MMP16: variants seen among roughly 807,000 people sequenced by gnomAD.
MMP16 encodes the protein matrix metallopeptidase 16, also known as matrix metalloproteinase-16.
A neutral mutation model predicts 67.8 loss-of-function variants in MMP16; 12 were observed. That is an observed-to-expected ratio of 0.18 (90% CI 0.11 to 0.29). The LOEUF (loss-of-function observed/expected upper bound fraction) is 0.29. Ranked by LOEUF, MMP16 falls within the 10% of genes least tolerant of loss-of-function variation. MMP16 has a pLI of 1.00. For synonymous variants in MMP16, 249 were observed against 255.9 expected, an observed-to-expected ratio of 0.97 and a Z score of 0.26; for missense variants, 475 against 765.7, an observed-to-expected ratio of 0.62 and a Z score of 4.48.
chr8:88,124,772 A>G (rs1329810042), intron 4 of MMP16, among the ~76,000 whole-genome samples: 1 of 151,998 alleles, frequency 6.6e-6, no homozygotes, highest in Non-Finnish European at 1.5e-5. Flanking sequence ...ACCAAAATGT[A>G]CTTTCTCATA....
chr8:88,071,095 T>G (rs1271063628), intron 7 of MMP16, among the ~76,000 whole-genome samples: 1 of 152,136 alleles, frequency 6.6e-6, no homozygotes, highest in Non-Finnish European at 1.5e-5. Flanking sequence ...ATGATATACA[T>G]GTGCACATAT....
chr8:88,288,825 T>C (rs552618344), intron 1 of MMP16, among the ~76,000 whole-genome samples: 8 of 152,292 alleles, frequency 5.3e-5, no homozygotes, highest in African/African-American at 1.4e-4. Flanking sequence ...GAAGATATAT[T>C]TACTCATTCA....
chr8:88,115,541 T>C (rs1399049703), intron 6 of MMP16, among the ~76,000 whole-genome samples: 1 of 152,070 alleles, frequency 6.6e-6, no homozygotes, highest in East Asian at 1.9e-4. Context: ...GAGTATTTTA[T>C]CTAGTTAAAA....
intron 1 of MMP16, among the ~76,000 whole-genome samples, chr8:88,251,479 T>C (rs1389951670): frequency 7.0e-5 from 10 of 143,188 alleles, no homozygotes; most frequent in Non-Finnish European, 3.0e-5. Flanking sequence ...TTACACCTTA[T>C]ACAAAAATCA....
chr8:88,327,282 T>C lies in MMP16; in HGVS notation c.-76A>G. The C allele has an allele frequency of 4.4e-6, 7 of 1,590,766 alleles. No individual in the cohort carries two copies. Among genetic ancestry groups the C allele is most frequent in the Non-Finnish European group, 5.1e-6 (6 of 1,165,590 alleles). ...TCTCCCTCTCCCTCCCTCCCTCGTT[T>C]CCTTTCAAAAAAAAGTCCTCCGGGT... On this transcript the variant is annotated 5_prime_UTR_variant, in exon 1 of 10. Transcript: ENST00000286614.
chr8:88,178,903 A>G (rs1808934963), intron 3 of MMP16, among the ~76,000 whole-genome samples: 1 of 152,074 alleles, frequency 6.6e-6, no homozygotes, highest in Non-Finnish European at 1.5e-5. Flanking sequence ...TATCTCACAG[A>G]GTGTAATATT....
chr8:88,211,811 A>T (rs569651030), intron 1 of MMP16, among the ~76,000 whole-genome samples: 2 of 152,314 alleles, frequency 1.3e-5, no homozygotes, highest in Non-Finnish European at 2.9e-5. Flanking sequence ...TCCTTTATTT[A>T]ACTTCCCTGC....
At chr8:88,303,021 T>C (rs1811128799) in intron 1 of MMP16, among the ~76,000 whole-genome samples, 2 of 152,000 alleles carry the variant, frequency 1.3e-5, no homozygotes, top group Non-Finnish European at 2.9e-5. Context: ...GATCAGGAGA[T>C]CCCTTCGTGA....
chr8:88,130,428 G>A (rs1263374933), intron 4 of MMP16, among the ~76,000 whole-genome samples: 1 of 151,416 alleles, frequency 6.6e-6, no homozygotes, highest in Non-Finnish European at 1.5e-5. Context: ...ATTTAGAGAG[G>A]CAGAACTGAA....
At chr8:88,168,104 C>T in intron 3 of MMP16, 131 bp from the exon 4 acceptor site, 2 of 648,374 alleles carry the variant, frequency 3.1e-6, no homozygotes, top group South Asian at 2.3e-5. Flanking sequence ...GTATTCATTC[C>T]TCTTGTCTCT....
In MMP16 at chr8:88,034,254, A is replaced by C. The variant is rs201353529; in HGVS notation, c.*7207T>G. The stretch of plus-strand genomic sequence containing the variant: ...AAATCTGTGTAAAAAAAAAAAAAAA[A>C]GGCAAGATAGGAATAGAAAGAAATG... On this transcript the variant is annotated 3_prime_UTR_variant, in exon 10 of 10. Transcript: ENST00000286614. 1 of 149,086 alleles carries C rather than the reference A, an allele frequency of 6.7e-6. No homozygotes were observed. Among genetic ancestry groups the C allele is most frequent in the Non-Finnish European group, 1.5e-5 (1 of 67,076 alleles). 9.2% of individuals were successfully genotyped at this position (149,086 alleles called of 1,614,324 possible). A position where few individuals can be genotyped will look rare whatever the true frequency, so the allele number is the denominator to read the frequency against.
chr8:88,229,164 G>T (rs1455822177), intron 1 of MMP16, among the ~76,000 whole-genome samples: 1 of 151,890 alleles, frequency 6.6e-6, no homozygotes, highest in African/African-American at 2.4e-5. Context: ...AAATAATAGG[G>T]TCACTAATAT....
chr8:88,219,303 T>C (rs1809641637), intron 1 of MMP16, among the ~76,000 whole-genome samples: 1 of 151,986 alleles, frequency 6.6e-6, no homozygotes. Context: ...ATTAACATCA[T>C]AATTACTGAT....
At chr8:88,229,150 A>C (rs759226611) in intron 1 of MMP16, among the ~76,000 whole-genome samples, 3 of 152,078 alleles carry the variant, frequency 2.0e-5, no homozygotes, top group Non-Finnish European at 4.4e-5. Flanking sequence ...CAAAGGAAGA[A>C]GATAAATAAT....
chr8:88,154,394 G>A (rs1808468247), intron 4 of MMP16, among the ~76,000 whole-genome samples: 1 of 139,326 alleles, frequency 7.2e-6, no homozygotes, highest in Non-Finnish European at 1.5e-5. Context: ...TATAAATCAT[G>A]CTGCTATAAA....
chr8:88,207,086 T>C (rs942003830), intron 1 of MMP16, among the ~76,000 whole-genome samples: 1 of 152,202 alleles, frequency 6.6e-6, no homozygotes, highest in Non-Finnish European at 1.5e-5. Context: ...TTTAGATATG[T>C]CATGAATGTA....
In MMP16 at chr8:88,058,998, T is replaced by C. The variant is rs1417912236; in HGVS notation, c.1223-2720A>G. ...AATGATCTTCAAGTTCTGGCTTGTGTAGATAAGTGAATAACAGTGTTATTT... is the reference window on the plus strand; with the variant it reads ...AATGATCTTCAAGTTCTGGCTTGTGCAGATAAGTGAATAACAGTGTTATTT... On this transcript the variant is annotated intron_variant, in intron 7 of 9. Transcript: ENST00000286614. This position sits in a 1 kb window ranked among gnomAD's most constrained non-coding sequence, Gnocchi z 4.2. Among the ~76,000 whole-genome samples the C allele has an allele frequency of 6.6e-6, 1 of 152,050 alleles. No individual in the cohort carries two copies. The highest frequency in any genetic ancestry group is 1.5e-5 in the Non-Finnish European group (1 of 67,988).
chr8:88,123,113 G>C lies in MMP16; in HGVS notation c.710-4252C>G, dbSNP rs111445968. Among the ~76,000 whole-genome samples, 1,244 of 151,974 alleles carry C rather than the reference G, an allele frequency of 8.2e-3. 10 individuals carry two copies. Among genetic ancestry groups the C allele is most frequent in the African/African-American group, 0.027 (1,139 of 41,488 alleles). On this transcript the variant is annotated intron_variant, in intron 4 of 9. Coordinates refer to ENST00000286614, the MANE Select transcript of MMP16 (RefSeq NM_005941.5). ...TTGTTTTAAGTTGCTGGATTTTGGGGTAATTTTTTATTTAGCAATAGATAA... is the reference window on the plus strand; with the variant it reads ...TTGTTTTAAGTTGCTGGATTTTGGGCTAATTTTTTATTTAGCAATAGATAA...
At position 88,037,165 on chromosome 8, in the gene MMP16, C is replaced by T. The variant is rs1291524957; in HGVS notation, c.*4296G>A. On this transcript the variant is annotated 3_prime_UTR_variant, in exon 10 of 10. Transcript: ENST00000286614. Reference sequence around the variant, plus strand: ...ATGTAGAACTTGCAAATATGACTACCCCTACAATCCAGTTTACACACCATC... The same window carrying T: ...ATGTAGAACTTGCAAATATGACTACTCCTACAATCCAGTTTACACACCATC... 2 of 149,222 alleles carry T rather than the reference C, an allele frequency of 1.3e-5. No homozygotes were observed. Among genetic ancestry groups the T allele is most frequent in the Non-Finnish European group, 3.0e-5 (2 of 67,122 alleles). 9.2% of individuals were successfully genotyped at this position (149,222 alleles called of 1,614,324 possible).
Sources: allele counts gnomAD v4.1 joint callset (sites outside exome capture counted in the v4.1 genomes callset), GRCh38; gene constraint gnomAD v4.1.1; non-coding constraint Gnocchi (gnomAD v3.1); transcripts MANE v1.5; gene names NCBI Gene and HGNC (gene_info 2026-07-23, HGNC 2026-07-21).